Variants in LYPD6 observed in about 807,000 individuals in gnomAD.
The protein encoded by LYPD6 is ly6/PLAUR domain-containing protein 6.
Under a neutral mutation model 22.7 loss-of-function variants are expected in LYPD6, and 15 were observed. That is an observed-to-expected ratio of 0.66 (90% CI 0.44 to 1.02). LYPD6 has a LOEUF of 1.02. LYPD6 is among the 50% of genes least tolerant of loss of function. The pLI, the probability that LYPD6 is intolerant of heterozygous loss-of-function variation, is 0.00. For synonymous variants in LYPD6, 72 were observed against 77.5 expected (o/e 0.93, Z 0.37); for missense variants, 189 against 208.4 (o/e 0.91, Z 0.57).
chr2:149,464,139 CA>C, intron 3 of LYPD6: 5 of 379,140 alleles, frequency 1.3e-5, no homozygotes, highest in Admixed American at 8.1e-5. Flanking sequence ...AGTTTAAACA[CA>C]AAAAAATCAA....
intron 1 of LYPD6, among the ~76,000 whole-genome samples, chr2:149,360,548 G>T (rs914943215): frequency 1.3e-5 from 2 of 151,666 alleles, no homozygotes; most frequent in Non-Finnish European, 2.9e-5. Context: ...CTTTGGAAAT[G>T]TCTCTCACAT....
chr2:149,402,233 C>T (rs937530477), intron 1 of LYPD6, among the ~76,000 whole-genome samples: 13 of 145,636 alleles, frequency 8.9e-5, no homozygotes, highest in Admixed American at 4.1e-4. Flanking sequence ...TGTGTGTTTG[C>T]GTGTGTGTGT....
At chr2:149,355,557 C>G (rs1439685877) in intron 1 of LYPD6, among the ~76,000 whole-genome samples, 2 of 152,016 alleles carry the variant, frequency 1.3e-5, no homozygotes, top group African/African-American at 4.8e-5. Context: ...GCTTTAAGAC[C>G]CGATAGTCAT....
chr2:149,375,396 AATG>A (rs933078034), intron 1 of LYPD6, among the ~76,000 whole-genome samples: 40 of 152,162 alleles, frequency 2.6e-4, no homozygotes, highest in Admixed American at 5.2e-4. Flanking sequence ...CCTCTGAAGG[AATG>A]ATGATGATGA....
intron 1 of LYPD6, among the ~76,000 whole-genome samples, chr2:149,414,015 A>G (rs1682909817): frequency 6.6e-6 from 1 of 152,228 alleles, no homozygotes. Context: ...GTGGTTCTTT[A>G]GCAATCTCAG....
At chr2:149,443,623 TG>T (rs1458288107) in intron 2 of LYPD6, among the ~76,000 whole-genome samples, 3 of 152,226 alleles carry the variant, frequency 2.0e-5, no homozygotes, top group Admixed American at 2.0e-4. Context: ...TATTTTTTAA[TG>T]TATCCAGTCA....
intron 1 of LYPD6, among the ~76,000 whole-genome samples, chr2:149,430,053 A>G (rs1683277666): frequency 6.6e-6 from 1 of 152,212 alleles, no homozygotes; most frequent in Admixed American, 6.5e-5. Context: ...GACAAGATGT[A>G]GACCTCACAT....
intron 3 of LYPD6, among the ~76,000 whole-genome samples, chr2:149,452,023 A>T (rs1472526497): frequency 6.6e-6 from 1 of 152,222 alleles, no homozygotes; most frequent in Non-Finnish European, 1.5e-5. Flanking sequence ...CAAAAGCATC[A>T]CGTGCTGAGA....
rs1682359419 is a variant in LYPD6, at chr2:149,393,474, GC to G, written c.-71-44162del. On this transcript the variant is annotated intron_variant, in intron 1 of 4. Transcript: ENST00000334166. ...GAAGCATACATTTTGAAAGTAAATA[GC>G]CTCATAGTTGTTCTTTCAGGTACTA... is the stretch of plus-strand genomic sequence containing the variant. Among the ~76,000 whole-genome samples the G allele has an allele frequency of 2.0e-5, 3 of 152,280 alleles. No homozygotes were observed. In the South Asian group the frequency reaches 6.2e-4, roughly 32 times the overall value.
intron 1 of LYPD6, among the ~76,000 whole-genome samples, chr2:149,345,242 T>G (rs1038405876): frequency 1.3e-5 from 2 of 152,086 alleles, no homozygotes; most frequent in African/African-American, 4.8e-5. Flanking sequence ...AGGTAATCTA[T>G]AGCAGACATC....
chr2:149,339,469 T>C (rs1444658664), intron 1 of LYPD6, among the ~76,000 whole-genome samples: 1 of 152,194 alleles, frequency 6.6e-6, no homozygotes, highest in Admixed American at 6.5e-5. Flanking sequence ...CATGGTGTCC[T>C]ATCAGGTAAT....
chr2:149,448,928 G>T (rs773331637), intron 2 of LYPD6, 121 bp from the exon 3 acceptor site: 2 of 740,168 alleles, frequency 2.7e-6, no homozygotes, highest in African/African-American at 1.8e-5. Flanking sequence ...GTAGTTGAAG[G>T]TTTAAGAAAC....
At chr2:149,410,700 C>A (rs1437068372) in intron 1 of LYPD6, among the ~76,000 whole-genome samples, 1 of 152,200 alleles carries the variant, frequency 6.6e-6, no homozygotes, top group East Asian at 1.9e-4. Context: ...TGGCAGGAAA[C>A]CAGCCTTCTG....
At chr2:149,385,113 T>A (rs1361192144) in intron 1 of LYPD6, among the ~76,000 whole-genome samples, 1 of 152,182 alleles carries the variant, frequency 6.6e-6, no homozygotes, top group Admixed American at 6.5e-5. Flanking sequence ...CCTTTCATTT[T>A]ATCTCTCTTC....
intron 1 of LYPD6, among the ~76,000 whole-genome samples, chr2:149,403,793 A>G (rs1298450722): frequency 6.6e-6 from 1 of 152,118 alleles, no homozygotes; most frequent in African/African-American, 2.4e-5. Context: ...TGTTTTAGAC[A>G]TGAAGTCCTT....
rs6740533 is a variant in LYPD6, at chr2:149,453,556, G to C, written c.217+4409G>C. ...GAGGACACATATTCTTTTGGCTCCA[G>C]CTTCTATGCTCTTCACTGTTTTTCT... On this transcript the variant is annotated intron_variant, in intron 3 of 4. Coordinates refer to ENST00000334166, the MANE Select transcript of LYPD6 (RefSeq NM_194317.5). 7.6e-3 allele frequency among the ~76,000 whole-genome samples: 1,161 copies of C among 152,256 alleles called. 14 individuals are homozygous for C. The highest frequency in any genetic ancestry group is 0.026 in the African/African-American group (1,083 of 41,538).
At chr2:149,334,066 C>T (rs1352862160) in intron 1 of LYPD6, among the ~76,000 whole-genome samples, 1 of 151,780 alleles carries the variant, frequency 6.6e-6, no homozygotes, top group African/African-American at 2.4e-5. Context: ...AGTCTTGTAC[C>T]CAAGCTCTGT....
rs193105650 is a variant in LYPD6, at chr2:149,367,010, A to T, written c.-72+36288A>T. Among the ~76,000 whole-genome samples the T allele has an allele frequency of 6.5e-4, 99 of 152,230 alleles. 3 individuals are homozygous for T. The highest frequency in any genetic ancestry group is 5.5e-3 in the Admixed American group (84 of 15,284). ...AACGTTTACATGATGCTGGCTTCCT[A>T]TGTAACTGCTGAAAAACAAAAGTTT... On this transcript the variant is annotated intron_variant, in intron 1 of 4. Transcript: ENST00000334166.
intron 3 of LYPD6, among the ~76,000 whole-genome samples, chr2:149,457,946 C>A (rs1465293877): frequency 6.6e-6 from 1 of 152,168 alleles, no homozygotes; most frequent in Non-Finnish European, 1.5e-5. Flanking sequence ...CAACATCCTG[C>A]AAATGCCATA....
Sources: allele counts gnomAD v4.1 joint callset (sites outside exome capture counted in the v4.1 genomes callset), GRCh38; gene constraint gnomAD v4.1.1; transcripts MANE v1.5; gene names NCBI Gene and HGNC (gene_info 2026-07-23, HGNC 2026-07-21).